Variants in CPNE2 observed in about 807,000 individuals in gnomAD.
The protein encoded by CPNE2 is copine 2.
CPNE2 carries 42 observed loss-of-function variants against 69.7 expected under a neutral mutation model. That is an observed-to-expected ratio of 0.60 (90% CI 0.47 to 0.78). The LOEUF (loss-of-function observed/expected upper bound fraction) is 0.78. CPNE2 is among the 30% of genes least tolerant of loss of function. The pLI, the probability that CPNE2 is intolerant of heterozygous loss-of-function variation, is 0.00. For missense variants in CPNE2, 587 were observed against 732.0 expected (o/e 0.80, Z 2.29); for synonymous variants, 294 against 289.8 (o/e 1.01, Z -0.15).
chr16:57,142,716 A>T, intron 14 of CPNE2: 1 of 152,132 alleles, frequency 6.6e-6, no homozygotes, highest in Non-Finnish European at 1.5e-5. Flanking sequence ...GGAGCTGGGA[A>T]GCACCCAGCC....
At chr16:57,126,106 A>G in intron 11 of CPNE2, 113 bp downstream of exon 11, 1 of 1,357,102 alleles carries the variant, frequency 7.4e-7, no homozygotes, top group Non-Finnish European at 1.0e-6. Flanking sequence ...AATGGACAGC[A>G]AATGGCATAG....
At chr16:57,117,675 A>G in intron 5 of CPNE2, 108 bp downstream of exon 5, 1 of 1,293,730 alleles carries the variant, frequency 7.7e-7, no homozygotes, top group Non-Finnish European at 1.1e-6. Flanking sequence ...ATCACATTCT[A>G]GGGACTGGTC....
At chr16:57,134,751 C>T (rs2069865198) in intron 12 of CPNE2, 24 bp from the exon 13 acceptor site, 12 of 1,613,666 alleles carry the variant, frequency 7.4e-6, no homozygotes, top group Non-Finnish European at 9.3e-6. Flanking sequence ...GAGGCTGCAG[C>T]TCAGCGTTTT....
chr16:57,126,424 C>A (rs1168542441), intron 11 of CPNE2, among the ~76,000 whole-genome samples: 1 of 152,192 alleles, frequency 6.6e-6, no homozygotes, highest in Non-Finnish European at 1.5e-5. Flanking sequence ...GGTCTCGCTT[C>A]TATTGGGAAC....
At chr16:57,121,276 G>T (rs1400570124) in intron 8 of CPNE2, 85 bp downstream of exon 8, 3 of 1,144,324 alleles carry the variant, frequency 2.6e-6, no homozygotes, top group Non-Finnish European at 2.5e-6. Flanking sequence ...GCAGCCTGGG[G>T]CTGAGATCCC....
At chr16:57,113,637 C>T (rs1325455886) in intron 3 of CPNE2, among the ~76,000 whole-genome samples, 170 bp downstream of exon 3, 2 of 152,240 alleles carry the variant, frequency 1.3e-5, no homozygotes, top group Admixed American at 6.5e-5. Context: ...TGAAGAGCTC[C>T]CATCTGGAGA....
chr16:57,122,750 G>A (rs1021368085), intron 9 of CPNE2, among the ~76,000 whole-genome samples: 1 of 152,060 alleles, frequency 6.6e-6, no homozygotes, highest in South Asian at 2.1e-4. Flanking sequence ...ATGCCACTAC[G>A]CCTGGCTAAT....
intron 1 of CPNE2, among the ~76,000 whole-genome samples, chr16:57,104,916 G>A (rs2069638792): frequency 6.6e-6 from 1 of 152,202 alleles, no homozygotes; most frequent in African/African-American, 2.4e-5. Flanking sequence ...CTGGGCCAAA[G>A]GAAGCAAGCG....
At chr16:57,128,660 A>G (rs2069817220) in intron 12 of CPNE2, among the ~76,000 whole-genome samples, 1 of 152,152 alleles carries the variant, frequency 6.6e-6, no homozygotes, top group African/African-American at 2.4e-5. Flanking sequence ...TTGTATTACG[A>G]GGACGTATTG....
rs1194692859 is a variant in CPNE2, at chr16:57,136,141, G to C, written c.1169-1008G>C. Reference sequence around the variant, plus strand: ...AGTGGAGGAGAGGGGATGCAGGTGGGTATGGAAGAGGGCTGTTTCTATCAT... The same window carrying C: ...AGTGGAGGAGAGGGGATGCAGGTGGCTATGGAAGAGGGCTGTTTCTATCAT... On this transcript the variant is annotated intron_variant, in intron 13 of 15. Transcript: ENST00000290776. 2.0e-5 allele frequency among the ~76,000 whole-genome samples: 3 copies of C among 152,152 alleles called. 1 individual carries two copies. The highest frequency in any genetic ancestry group is 7.2e-5 in the African/African-American group (3 of 41,434).
At chr16:57,137,692 C>T (rs1440455707) in intron 14 of CPNE2, among the ~76,000 whole-genome samples, 1 of 152,224 alleles carries the variant, frequency 6.6e-6, no homozygotes, top group African/African-American at 2.4e-5. Context: ...GGCCCTGGCC[C>T]TACACTCAGC....
chr16:57,116,851 G>A (rs1376254631), intron 4 of CPNE2, among the ~76,000 whole-genome samples: 1 of 151,942 alleles, frequency 6.6e-6, no homozygotes, highest in Non-Finnish European at 1.5e-5. Context: ...GGAGAGGAGA[G>A]GAGGCCCCAG....
chr16:57,110,764 G>A lies in CPNE2; in HGVS notation c.22G>A (p.Gly8Ser), dbSNP rs2069675974. MAHIPSG[G>S]APAAGAAPMG... ...TCCCATGGCCCACATACCCAGTGGG[G>A]GTGCCCCAGCAGCGGGGGCAGCCCC... Residue 8 changes from glycine (G) to serine (S), a missense_variant, in exon 2 of 16, where the codon GGT (glycine) becomes AGT (serine). Physicochemically the swap from Gly to Ser is moderately conservative, Grantham distance 56. Transcript: ENST00000290776. 6.2e-7 allele frequency: 1 copy of A among 1,612,374 alleles called. No homozygotes were observed.
At position 57,146,256 on chromosome 16, in the gene CPNE2, TC is replaced by T; in HGVS notation, c.1477del (p.His493ThrfsTer171). On this transcript the variant is annotated frameshift_variant, in exon 15 of 16. Coordinates refer to ENST00000290776, the MANE Select transcript of CPNE2 (RefSeq NM_152727.6). LOFTEE classifies it high-confidence loss of function. The surrounding 1 kb of genome is among the most constrained non-coding windows in gnomAD (Gnocchi z 4.4). ...FLDGDSRMLR[S>X]HTGEEAARDI... ...GGATGGGGACAGCCGCATGCTGCGC[TC>T]CCACACGGGGGAGGAGGCAGCCCGC... 2 of 1,558,008 alleles carry T rather than the reference TC, an allele frequency of 1.3e-6. No individual in the cohort carries two copies. Among genetic ancestry groups the T allele is most frequent in the South Asian group, 2.4e-5 (2 of 84,662 alleles).
chr16:57,117,524 G>A lies in CPNE2; in HGVS notation c.464G>A (p.Arg155His), dbSNP rs777381089. Residue 155 changes from arginine to histidine, a missense_variant, in exon 5 of 16, where the codon CGC becomes CAC. This residue lies in a region of CPNE2 where 269 missense variants were observed against 300.5 expected (regional missense o/e 0.90). Coordinates refer to ENST00000290776, the MANE Select transcript of CPNE2 (RefSeq NM_152727.6). The part of the protein sequence containing the change: ...TIAAQELSDN[R>H]VITLSLAGRR... The stretch of plus-strand genomic sequence containing the variant: ...GCTGCCCAGGAGCTGTCCGACAACC[G>A]CGTCATCACACTAAGCCTGGCGGGC... 8 of 1,613,828 alleles carry A rather than the reference G, an allele frequency of 5.0e-6. No individual in the cohort carries two copies. The highest frequency in any genetic ancestry group is 4.0e-5 in the African/African-American group (3 of 74,898).
Position 57,148,012 on chromosome 16 carries a change from A to C in CPNE2, c.*354A>C. 1.1e-5 allele frequency: 2 copies of C among 188,344 alleles called. No homozygotes were observed. The highest frequency in any genetic ancestry group is 2.2e-5 in the Non-Finnish European group (2 of 91,928). 11.7% of individuals were successfully genotyped at this position (188,344 alleles called of 1,614,324 possible). ...AGCTGCAGACTCTGATGAAAGAAAC[A>C]TGTCCTTGGTGCATACGTGTCGTAG... On this transcript the variant is annotated 3_prime_UTR_variant, in exon 16 of 16. Transcript: ENST00000290776.
chr16:57,137,373 A>G, intron 14 of CPNE2, 91 bp downstream of exon 14: 1 of 1,494,926 alleles, frequency 6.7e-7, no homozygotes, highest in East Asian at 2.4e-5. Context: ...TTTGCTTTAA[A>G]TCCTAGTGGA....
rs558131234 is a variant in CPNE2 at position 57,146,490 on chromosome 16, GC to G, written c.1539+173del. 9.2e-4 allele frequency: 590 copies of G among 639,076 alleles called. 4 individuals are homozygous for G. The highest frequency in any genetic ancestry group is 2.7e-3 in the South Asian group (137 of 51,064). The allele number at this position is 639,076 out of a possible 1,614,324, so 39.6% of individuals were successfully genotyped here. The stretch of plus-strand genomic sequence containing the variant: ...TGTGCCAGGCGCCGTGCCAGGCCTT[GC>G]CCCGGTGGTGGCCATTGTGATAGTG... On this transcript the variant is annotated intron_variant, in intron 15 of 15. Transcript: ENST00000290776. This position sits in a 1 kb window ranked among gnomAD's most constrained non-coding sequence, Gnocchi z 4.4.
intron 14 of CPNE2, chr16:57,145,840 C>T (rs2069953255): frequency 5.6e-6 from 3 of 540,154 alleles, no homozygotes; most frequent in Non-Finnish European, 1.0e-5. Context: ...AGATAACACA[C>T]AGGGCAGGAG....
Sources: gnomAD v4.1 joint callset for allele counts (sites outside exome capture counted in the v4.1 genomes callset) on GRCh38, gnomAD v4.1.1 for gene constraint, gnomAD v4.1.1 regional missense constraint, Gnocchi (gnomAD v3.1) non-coding constraint, MANE v1.5 for transcripts, NCBI Gene and HGNC (gene_info 2026-07-23, HGNC 2026-07-21) for gene names.